PSPC1: variants seen among roughly 807,000 people sequenced by gnomAD.
PSPC1 encodes paraspeckle protein 1.
PSPC1 carries 14 observed loss-of-function variants against 51.6 expected under a neutral mutation model. That is an observed-to-expected ratio of 0.27 (90% CI 0.18 to 0.42). PSPC1 has a LOEUF of 0.42. Ranked by LOEUF, PSPC1 falls within the 10% of genes least tolerant of loss-of-function variation. The pLI is 1.00. For synonymous variants in PSPC1, 193 were observed against 231.9 expected (o/e 0.83, Z 1.53); for missense variants, 406 against 701.1 (o/e 0.58, Z 4.75).
At chr13:19,694,418 A>G (rs1029067468) in intron 6 of PSPC1, among the ~76,000 whole-genome samples, 1 of 152,104 alleles carries the variant, frequency 6.6e-6, no homozygotes, top group African/African-American at 2.4e-5. Flanking sequence ...CAACAGGTGA[A>G]ATTAGCTTAA....
downstream of PSPC1, among the ~76,000 whole-genome samples, chr13:19,698,005 G>T (rs1879449476): frequency 6.6e-6 from 1 of 151,920 alleles, no homozygotes; most frequent in Admixed American, 6.6e-5. Flanking sequence ...AAGTGAACAG[G>T]CACAGGATTA....
chr13:19,709,158 CAAAAAAAAA>C, intron 7 of PSPC1, among the ~76,000 whole-genome samples: 1 of 83,726 alleles, frequency 1.2e-5, no homozygotes, highest in South Asian at 5.2e-4. Flanking sequence ...GGTCCTGCCT[CAAAAAAAAA>C]AAAAAAAAAA....
intron 6 of PSPC1, among the ~76,000 whole-genome samples, chr13:19,710,999 G>A (rs1358462034): frequency 6.6e-6 from 1 of 151,690 alleles, no homozygotes; most frequent in Non-Finnish European, 1.5e-5. Flanking sequence ...CATCATGCCT[G>A]GTGAATTTTT....
intron 1 of PSPC1, 77 bp from the exon 2 acceptor site, chr13:19,772,620 G>A (rs1888723687): frequency 7.2e-7 from 1 of 1,388,098 alleles, no homozygotes; most frequent in South Asian, 1.4e-5. Flanking sequence ...CTTCTAGGGA[G>A]AACTAGGTAT....
chr13:19,710,450 C>T (rs1477779930), intron 6 of PSPC1, among the ~76,000 whole-genome samples: 1 of 152,042 alleles, frequency 6.6e-6, no homozygotes, highest in Non-Finnish European at 1.5e-5. Context: ...TCACAGAAAA[C>T]TGTTAAATGT....
intron 5 of PSPC1, among the ~76,000 whole-genome samples, chr13:19,739,350 T>C (rs1448626511): frequency 2.0e-5 from 3 of 152,200 alleles, no homozygotes; most frequent in African/African-American, 7.2e-5. Context: ...GTAGGTATAA[T>C]TTCAAAAAGC....
At chr13:19,766,950 G>A (rs1051231314) in intron 2 of PSPC1, among the ~76,000 whole-genome samples, 5 of 151,958 alleles carry the variant, frequency 3.3e-5, no homozygotes, top group African/African-American at 1.2e-4. Context: ...GAGACAGGTG[G>A]ATTGCTTGAG....
At chr13:19,773,249 ATT>A (rs572248368) in intron 1 of PSPC1, among the ~76,000 whole-genome samples, 15,325 of 133,764 alleles carry the variant, frequency 0.11, 900 homozygotes, top group African/African-American at 0.21. Context: ...TTTTTATCTC[ATT>A]TTTTTTTTTT....
At chr13:19,677,156 C>T (rs1172813966) in intron 7 of PSPC1, among the ~76,000 whole-genome samples, 2 of 151,340 alleles carry the variant, frequency 1.3e-5, no homozygotes, top group South Asian at 2.1e-4. Flanking sequence ...TGGCATGAAC[C>T]CGGGAGGCAG....
intron 5 of PSPC1, among the ~76,000 whole-genome samples, chr13:19,730,969 A>AAAAAAAAAAAAAC (rs1884023504): frequency 6.8e-6 from 1 of 146,608 alleles, no homozygotes; most frequent in Non-Finnish European, 1.5e-5. Flanking sequence ...AAAAAACAAA[A>AAAAAAAAAAAAAC]AAAAAAAAAA....
downstream of PSPC1, among the ~76,000 whole-genome samples, chr13:19,698,469 A>G (rs1004732475): frequency 5.3e-5 from 8 of 151,958 alleles, no homozygotes; most frequent in Non-Finnish European, 1.2e-4. Context: ...TATTGACTAA[A>G]TTTATATTAA....
rs559032087 is a variant in PSPC1, at chr13:19,722,659, T to C, written c.1158+7580A>G. On this transcript the variant is annotated intron_variant, in intron 6 of 8. Coordinates refer to ENST00000338910, the MANE Select transcript of PSPC1 (RefSeq NM_001354909.2). ...AAATACAAAAATTAGCTGGGCATGG[T>C]GGCGGGTGCCTGTCATCCCAGCTAC... Among the ~76,000 whole-genome samples, 51 of 151,462 alleles carry C rather than the reference T, an allele frequency of 3.4e-4. 1 individual carries two copies. Among genetic ancestry groups the C allele is most frequent in the African/African-American group, 1.1e-3 (46 of 41,198 alleles).
At chr13:19,766,340 T>C (rs556768659) in intron 2 of PSPC1, among the ~76,000 whole-genome samples, 3 of 152,094 alleles carry the variant, frequency 2.0e-5, no homozygotes, top group Admixed American at 6.6e-5. Context: ...GCCACAGAAC[T>C]GCACCCTGAG....
At chr13:19,741,528 C>T (rs1885430043) in intron 5 of PSPC1, 37 bp downstream of exon 5, 1 of 1,382,826 alleles carries the variant, frequency 7.2e-7, no homozygotes. Flanking sequence ...ATTAATAAGA[C>T]ATACAATTCA....
At chr13:19,730,620 G>C (rs532860868) in intron 5 of PSPC1, among the ~76,000 whole-genome samples, 1 of 151,910 alleles carries the variant, frequency 6.6e-6, no homozygotes, top group Admixed American at 6.6e-5. Flanking sequence ...TCAAGAAATT[G>C]AGAGTCAAAA....
At chr13:19,761,855 A>G (rs1376128369) in intron 2 of PSPC1, among the ~76,000 whole-genome samples, 1 of 152,208 alleles carries the variant, frequency 6.6e-6, no homozygotes, top group African/African-American at 2.4e-5. Context: ...GGTGCACCTG[A>G]GCAGAGGCCA....
chr13:19,779,662 C>T (rs1197848736), intron 1 of PSPC1, among the ~76,000 whole-genome samples: 39 of 75,498 alleles, frequency 5.2e-4, no homozygotes, highest in Non-Finnish European at 8.3e-4. Context: ...CCCGGCCAGC[C>T]GCCCCGTCCG....
downstream of PSPC1, among the ~76,000 whole-genome samples, chr13:19,698,385 T>C (rs1879495735): frequency 6.6e-6 from 1 of 152,038 alleles, no homozygotes; most frequent in South Asian, 2.1e-4. Flanking sequence ...AAACAAAGCA[T>C]TTAAAAAATA....
At chr13:19,721,297 GTTATA>G (rs768128497) in intron 6 of PSPC1, among the ~76,000 whole-genome samples, 43 of 152,038 alleles carry the variant, frequency 2.8e-4, no homozygotes, top group Non-Finnish European at 3.1e-4. Flanking sequence ...ATTATTATTA[GTTATA>G]TTATACACTA....
Sources: allele counts gnomAD v4.1 joint callset (sites outside exome capture counted in the v4.1 genomes callset), GRCh38; gene constraint gnomAD v4.1.1; transcripts MANE v1.5; gene names NCBI Gene and HGNC (gene_info 2026-07-23, HGNC 2026-07-21).